Variants in TTLL2 observed in about 807,000 individuals in gnomAD.
TTLL2 encodes the protein tubulin tyrosine ligase like 2.
In TTLL2, 10 loss-of-function variants were observed where a neutral mutation model predicts 7.5. That is an observed-to-expected ratio of 1.33 (90% CI 0.82 to 2.25). The LOEUF (loss-of-function observed/expected upper bound fraction) is 2.25. Among genes scored for constraint, TTLL2 ranks in the 30% most tolerant of loss-of-function variants. The pLI is 0.00. For synonymous variants in TTLL2, 284 were observed against 280.3 expected (o/e 1.01, Z -0.13); for missense variants, 733 against 735.7 (o/e 1.00, Z 0.04).
chr6:167,330,570 AAAAAAAG>A (rs1778908082), intron 1 of TTLL2, among the ~76,000 whole-genome samples: 1 of 151,822 alleles, frequency 6.6e-6, no homozygotes, highest in Non-Finnish European at 1.5e-5. Context: ...ACAACAACAA[AAAAAAAG>A]AAAAAAGAAA....
chr6:167,325,396 A>C (rs1162403861), intron 1 of TTLL2, among the ~76,000 whole-genome samples, 176 bp downstream of exon 1: 7 of 152,224 alleles, frequency 4.6e-5, no homozygotes, highest in African/African-American at 1.7e-4. Flanking sequence ...AGGGAAAAGC[A>C]GTCCAGCATT....
Position 167,340,594 on chromosome 6 carries a change from AT to A in TTLL2, c.695del (p.Ile232ThrfsTer7). 2 of 1,614,170 alleles carry A rather than the reference AT, an allele frequency of 1.2e-6. No individual in the cohort carries two copies. The highest frequency in any genetic ancestry group is 1.7e-6 in the Non-Finnish European group (2 of 1,180,030). On this transcript the variant is annotated frameshift_variant, in exon 3 of 3. Transcript: ENST00000239587. LOFTEE classifies it low-confidence loss of function (END_TRUNC). Reference sequence around the variant, plus strand: ...AATTTTCAGTGACTTTAAAGACTTCATCTTTGATGATATGTACATAGTGCAG... The same window carrying A: ...AATTTTCAGTGACTTTAAAGACTTCACTTTGATGATATGTACATAGTGCAG... ...ILIFSDFKDFIFDDMYIVQKY... is the reference protein window; with the variant it reads ...ILIFSDFKDFXFDDMYIVQKY...
chr6:167,330,000 G>GCACA (rs1778899154), intron 1 of TTLL2, among the ~76,000 whole-genome samples: 1 of 152,168 alleles, frequency 6.6e-6, no homozygotes, highest in South Asian at 2.1e-4. Context: ...ACTGATTTAA[G>GCACA]CACTGAGGGT....
At position 167,335,526 on chromosome 6, in the gene TTLL2, G is replaced by C. The variant is rs1258162677; in HGVS notation, c.48-3121G>C. On this transcript the variant is annotated intron_variant, in intron 1 of 2. Transcript: ENST00000239587. ...GCTATAAAGACACATGCACACGTAT[G>C]TTTATTGCGGCATTATTCACAATAG... 2.1e-5 allele frequency among the ~76,000 whole-genome samples: 3 copies of C among 144,452 alleles called. No individual in the cohort carries two copies. The East Asian group carries it at 6.2e-4, about 30-fold the overall frequency. The allele number at this position is 144,452 out of a possible 152,430, so 94.8% of individuals were successfully genotyped here.
chr6:167,331,779 G>C (rs6935105), intron 1 of TTLL2, among the ~76,000 whole-genome samples: 55,532 of 151,924 alleles, frequency 0.37, 10,467 homozygotes, highest in East Asian at 0.66. Context: ...TCATACACTG[G>C]CGAGTGCTCA....
chr6:167,341,151 A>G lies in TTLL2; in HGVS notation c.1251A>G (p.Leu417=). The change falls in exon 3 of 3, where the codon TTA becomes TTG. Residue 417 remains leucine, a synonymous_variant. Transcript: ENST00000239587. ...LVHDIIDLIY[L]NGLRNEGREA... is the part of the protein sequence containing the mutation. Reference sequence around the variant, plus strand: ...ATGATATTATTGACCTGATTTACTTAAATGGTCTAAGAAATGAGGGGAGAG... The same window carrying G: ...ATGATATTATTGACCTGATTTACTTGAATGGTCTAAGAAATGAGGGGAGAG... 1 of 1,613,906 alleles carries G rather than the reference A, an allele frequency of 6.2e-7. No individual in the cohort carries two copies. Among genetic ancestry groups the G allele is most frequent in the Non-Finnish European group, 8.5e-7 (1 of 1,179,986 alleles).
chr6:167,341,788 A>C lies in TTLL2; in HGVS notation c.*109A>C. 1 of 1,216,718 alleles carries C rather than the reference A, an allele frequency of 8.2e-7. No individual in the cohort carries two copies. The highest frequency in any genetic ancestry group is 1.1e-6 in the Non-Finnish European group (1 of 898,592). 75.4% of individuals were successfully genotyped at this position (1,216,718 alleles called of 1,614,324 possible). ...CCCTACCTGTGCCACCAGCATGTTA[A>C]CTATGACATTGGGACTGAAGATGTG... On this transcript the variant is annotated 3_prime_UTR_variant, in exon 3 of 3. Coordinates refer to ENST00000239587, the MANE Select transcript of TTLL2 (RefSeq NM_031949.5).
Position 167,341,490 on chromosome 6 carries a change from G to T in TTLL2, c.1590G>T (p.Ser530=). The T allele has an allele frequency of 6.2e-7, 1 of 1,614,048 alleles. No homozygotes were observed. Reference sequence around the variant, plus strand: ...TGCCCTACGCGTCCCTCTTCCAGTCGCACTCCTGCAAGACCAAGACCTCCC... The same window carrying T: ...TGCCCTACGCGTCCCTCTTCCAGTCTCACTCCTGCAAGACCAAGACCTCCC... The part of the protein sequence containing the change: ...TLMPYASLFQ[S]HSCKTKTSPC... The change falls in exon 3 of 3, where the codon TCG becomes TCT. Residue 530 remains serine, a synonymous_variant. Coordinates refer to ENST00000239587, the MANE Select transcript of TTLL2 (RefSeq NM_031949.5).
intron 1 of TTLL2, 112 bp downstream of exon 1, chr6:167,325,332 T>A: frequency 8.9e-7 from 1 of 1,126,808 alleles, no homozygotes; most frequent in Non-Finnish European, 1.2e-6. Flanking sequence ...GAGCAGCGAG[T>A]GTGCACTGGG....
At position 167,342,139 on chromosome 6, in the gene TTLL2, A is replaced by G. The variant is rs1779106342; in HGVS notation, c.*460A>G. Among the ~76,000 whole-genome samples, 2 of 152,240 alleles carry G rather than the reference A, an allele frequency of 1.3e-5. No individual in the cohort carries two copies. Among genetic ancestry groups the G allele is most frequent in the South Asian group, 4.1e-4 (2 of 4,836 alleles). On this transcript the variant is annotated 3_prime_UTR_variant, in exon 3 of 3. Transcript: ENST00000239587. ...TTTGTTAACTTAAGATCAGACAATC[A>G]TTCAGAGTGAGATAAATCACTGAAA...
At position 167,336,536 on chromosome 6, in the gene TTLL2, A is replaced by G. The variant is rs528052950; in HGVS notation, c.48-2111A>G. Among the ~76,000 whole-genome samples, 20 of 152,208 alleles carry G rather than the reference A, an allele frequency of 1.3e-4. No individual in the cohort carries two copies. In the East Asian group the frequency reaches 2.7e-3, roughly 21 times the overall value. ...GTCGTGGGTGGCATTGCTCATCCCC[A>G]TCCTCCTTCTCAGCGATGGGGACTT... On this transcript the variant is annotated intron_variant, in intron 1 of 2. Transcript: ENST00000239587.
At position 167,340,187 on chromosome 6, in the gene TTLL2, C is replaced by A. The variant is rs145779681; in HGVS notation, c.287C>A (p.Pro96Gln). 4 of 1,613,654 alleles carry A rather than the reference C, an allele frequency of 2.5e-6. No homozygotes were observed. Among genetic ancestry groups the A allele is most frequent in the Non-Finnish European group, 3.4e-6 (4 of 1,179,846 alleles). ...GTTTTTCGCGTTGACGAGACCACCC[C>A]GGCTGTGGTGCAAAGCGTCCTCCTG... ...PLVFRVDETT[P>Q]AVVQSVLLER... The change falls in exon 3 of 3, where the codon CCG (proline) becomes CAG (glutamine). Residue 96 changes from proline to glutamine, a missense_variant. By Grantham distance (76) the Pro-to-Gln change is moderately conservative. Transcript: ENST00000239587.
At chr6:167,339,166 C>T (rs955188422) in intron 2 of TTLL2, among the ~76,000 whole-genome samples, 9 of 151,816 alleles carry the variant, frequency 5.9e-5, no homozygotes, top group African/African-American at 2.2e-4. Context: ...AGAATTTCCA[C>T]CAAGTAAGTT....
chr6:167,340,103 A>G lies in TTLL2; in HGVS notation c.205-2A>G, dbSNP rs1460360066. On this transcript the variant is annotated splice_acceptor_variant, in intron 2 of 2. Transcript: ENST00000239587. LOFTEE classifies it high-confidence loss of function. The stretch of plus-strand genomic sequence containing the variant: ...TAACCTTTCTCAATGATCCATTTTT[A>G]GAAAAAACCTCATTTGATGGCGGAA... The G allele has an allele frequency of 1.9e-6, 3 of 1,560,800 alleles. No homozygotes were observed. The highest frequency in any genetic ancestry group is 2.6e-6 in the Non-Finnish European group (3 of 1,156,476).
chr6:167,339,438 G>A (rs549758534), intron 2 of TTLL2, among the ~76,000 whole-genome samples: 1 of 152,260 alleles, frequency 6.6e-6, no homozygotes, highest in East Asian at 1.9e-4. Context: ...CTTTTAAAAT[G>A]TGAGGCAAAA....
At chr6:167,340,077 C>G (rs764935334) in intron 2 of TTLL2, 28 bp from the exon 3 acceptor site, 1 of 1,553,322 alleles carries the variant, frequency 6.4e-7, no homozygotes, top group South Asian at 1.3e-5. Context: ...GACCACTCTC[C>G]TAACCTTTCT....
In TTLL2 at chr6:167,340,453, C is replaced by T; in HGVS notation, c.553C>T (p.Pro185Ser). 6.2e-7 allele frequency: 1 copy of T among 1,614,132 alleles called. No homozygotes were observed. The highest frequency in any genetic ancestry group is 1.1e-5 in the South Asian group (1 of 91,078). Residue 185 changes from proline (P) to serine (S), a missense_variant, in exon 3 of 3, where the codon CCC (proline) becomes TCC (serine). Coordinates refer to ENST00000239587, the MANE Select transcript of TTLL2 (RefSeq NM_031949.5). ...GTTCATCCCCCTGACGTTCGTCATG[C>T]CCAATGACTATACCAAGTTCGTGGC... The part of the protein sequence containing the change: ...YQFIPLTFVM[P>S]NDYTKFVAEY...
rs1779080068 is a variant in TTLL2, at chr6:167,340,908, G to A, written c.1008G>A (p.Val336=). 2.5e-6 allele frequency: 4 copies of A among 1,614,118 alleles called. 1 individual carries two copies. In the East Asian group the frequency reaches 8.9e-5, roughly 36 times the overall value. The stretch of plus-strand genomic sequence containing the variant: ...TTTCCTACCTTCGTAGCTGGGATGT[G>A]GACGATCTGCTTTTGTGGAAGAAAA... ...RFFSYLRSWD[V]DDLLLWKKIH... The change falls in exon 3 of 3, where the codon GTG becomes GTA. Residue 336 remains valine (V), a synonymous_variant. Transcript: ENST00000239587.
At chr6:167,337,768 T>TGCACACACACACAC (rs1310906097) in intron 1 of TTLL2, among the ~76,000 whole-genome samples, 1 of 150,550 alleles carries the variant, frequency 6.6e-6, no homozygotes, top group African/African-American at 2.5e-5. Flanking sequence ...TACACACACA[T>TGCACACACACACAC]GCACACACAC....
Sources: gnomAD v4.1 joint callset for allele counts (sites outside exome capture counted in the v4.1 genomes callset) on GRCh38, gnomAD v4.1.1 for gene constraint, MANE v1.5 for transcripts, NCBI Gene and HGNC (gene_info 2026-07-23, HGNC 2026-07-21) for gene names.